The following AKAP13 variants were observed in gnomAD, a reference collection of about 807,000 sequenced individuals.
AKAP13 encodes A-kinase anchor protein 13.
Under a neutral mutation model 264.5 loss-of-function variants are expected in AKAP13, and 80 were observed. The ratio of observed to expected loss-of-function variants is 0.30; its 90% confidence interval spans 0.25 to 0.36. The LOEUF (loss-of-function observed/expected upper bound fraction) is 0.36. Ranked by LOEUF, AKAP13 falls within the 10% of genes least tolerant of loss-of-function variation. The probability of loss-of-function intolerance (pLI) is 1.00; values close to 1 mark genes in which losing one functional copy is unlikely to be tolerated. For synonymous variants in AKAP13, 1,380 were observed against 1,250.2 expected (o/e 1.10, Z -2.19); for missense variants, 3,712 against 3,435.2 (o/e 1.08, Z -2.01).
intron 23 of AKAP13, 80 bp downstream of exon 23, chr15:85,719,406 A>G (rs757912194): frequency 6.6e-6 from 10 of 1,526,228 alleles, no homozygotes; most frequent in African/African-American, 5.5e-5. Context: ...ATGCATTCAC[A>G]TCTTCTTTCT....
At chr15:85,529,409 A>G (rs1272462769) in intron 3 of AKAP13, among the ~76,000 whole-genome samples, 3 of 152,220 alleles carry the variant, frequency 2.0e-5, no homozygotes, top group Non-Finnish European at 2.9e-5. Flanking sequence ...AGACAGAGCG[A>G]GACTCCGTCT....
intron 2 of AKAP13, among the ~76,000 whole-genome samples, chr15:85,508,395 G>A (rs553990901): frequency 3.9e-5 from 6 of 152,040 alleles, no homozygotes; most frequent in African/African-American, 1.2e-4. Context: ...CACCTGCCTC[G>A]GCCTCCCAAA....
intron 8 of AKAP13, among the ~76,000 whole-genome samples, chr15:85,594,493 T>G (rs2079721392): frequency 6.6e-6 from 1 of 152,354 alleles, no homozygotes; most frequent in East Asian, 1.9e-4. Flanking sequence ...ATTTTTACAC[T>G]GTGGGAATGA....
chr15:85,415,092 C>A, intron 1 of AKAP13: 19 of 572,068 alleles, frequency 3.3e-5, no homozygotes, highest in Non-Finnish European at 3.1e-5. Context: ...TCTGAAAATT[C>A]ATAATTTTTC....
At chr15:85,723,651 C>G (rs2151732873) in intron 26 of AKAP13, among the ~76,000 whole-genome samples, 1 of 152,246 alleles carries the variant, frequency 6.6e-6, no homozygotes, top group South Asian at 2.1e-4. Flanking sequence ...AAGAGATGGA[C>G]AGCCAGGTTG....
chr15:85,597,588 C>T (rs1485445636), intron 8 of AKAP13, among the ~76,000 whole-genome samples: 2 of 152,130 alleles, frequency 1.3e-5, no homozygotes, highest in African/African-American at 4.8e-5. Context: ...GGTTGATGAG[C>T]TGTGTGCATC....
intron 3 of AKAP13, among the ~76,000 whole-genome samples, chr15:85,527,188 C>A (rs935721825): frequency 3.3e-5 from 5 of 152,152 alleles, no homozygotes; most frequent in Non-Finnish European, 4.4e-5. Flanking sequence ...TGGTCTTGAT[C>A]TCCTGACCTC....
intron 16 of AKAP13, among the ~76,000 whole-genome samples, chr15:85,687,358 A>G (rs911771708): frequency 1.3e-5 from 2 of 152,224 alleles, no homozygotes; most frequent in African/African-American, 4.8e-5. Context: ...GGAGTTTGCT[A>G]GGAGGAGATG....
At chr15:85,703,996 CTG>C (rs2086087622) in intron 17 of AKAP13, among the ~76,000 whole-genome samples, 1 of 152,016 alleles carries the variant, frequency 6.6e-6, no homozygotes, top group Admixed American at 6.5e-5. Flanking sequence ...TCATATTTAA[CTG>C]TTTTTTGTTT....
intron 33 of AKAP13, among the ~76,000 whole-genome samples, 166 bp from the exon 34 acceptor site, chr15:85,740,056 G>T (rs1422646318): frequency 6.6e-6 from 1 of 152,030 alleles, no homozygotes; most frequent in Non-Finnish European, 1.5e-5. Flanking sequence ...TTGGCTGCTG[G>T]TGCTCACTTA....
At chr15:85,425,577 G>T (rs1433779223) in intron 1 of AKAP13, among the ~76,000 whole-genome samples, 1 of 152,036 alleles carries the variant, frequency 6.6e-6, no homozygotes, top group East Asian at 1.9e-4. Context: ...ATCAGCCGAT[G>T]TGGTGGCACG....
intron 5 of AKAP13, among the ~76,000 whole-genome samples, chr15:85,545,501 T>A (rs1013127451): frequency 2.0e-5 from 3 of 152,216 alleles, no homozygotes; most frequent in African/African-American, 7.2e-5. Context: ...AAGTACTACT[T>A]CTGTTACATG....
intron 34 of AKAP13, 85 bp from the exon 35 acceptor site, chr15:85,740,960 GC>G: frequency 1.3e-6 from 2 of 1,513,720 alleles, no homozygotes; most frequent in Non-Finnish European, 1.8e-6. Context: ...AGTGCCTGGT[GC>G]CCCCTGCTGT....
intron 1 of AKAP13, among the ~76,000 whole-genome samples, chr15:85,437,622 A>G (rs1463562723): frequency 6.6e-6 from 1 of 152,202 alleles, no homozygotes; most frequent in African/African-American, 2.4e-5. Flanking sequence ...CTTATCCGCC[A>G]TGATCAAGTG....
rs1251050009 is a variant in AKAP13, at chr15:85,747,978, G to A, written c.*3301G>A. ...TGTTTCTTGATGTGGGAGGGGAGGT[G>A]TTAGTGCATGCAAGGGTTGAACTAG... is the stretch of plus-strand genomic sequence containing the variant. On this transcript the variant is annotated 3_prime_UTR_variant, in exon 37 of 37. Transcript: ENST00000394518. 1 of 152,588 alleles carries A rather than the reference G, an allele frequency of 6.6e-6. No homozygotes were observed. Among genetic ancestry groups the A allele is most frequent in the African/African-American group, 2.4e-5 (1 of 41,420 alleles). 9.5% of individuals were successfully genotyped at this position (152,588 alleles called of 1,614,324 possible).
intron 8 of AKAP13, among the ~76,000 whole-genome samples, chr15:85,608,582 C>T (rs374057576): frequency 1.3e-5 from 2 of 152,118 alleles, no homozygotes; most frequent in Admixed American, 6.6e-5. Flanking sequence ...CAAAGGAGAG[C>T]GTTTTAAGGA....
At chr15:85,733,996 A>G (rs1440773618) in intron 30 of AKAP13, among the ~76,000 whole-genome samples, 2 of 146,942 alleles carry the variant, frequency 1.4e-5, no homozygotes, top group East Asian at 4.0e-4. Flanking sequence ...ATGCACCACC[A>G]TGCCCGGCTA....
intron 8 of AKAP13, among the ~76,000 whole-genome samples, chr15:85,587,863 G>T (rs1451900530): frequency 3.3e-5 from 5 of 152,120 alleles, no homozygotes; most frequent in African/African-American, 4.8e-5. Flanking sequence ...GGCCAGGCTG[G>T]TCTCAAACTT....
chr15:85,572,901 T>C (rs1427381959), intron 5 of AKAP13, among the ~76,000 whole-genome samples: 1 of 152,218 alleles, frequency 6.6e-6, no homozygotes, highest in Non-Finnish European at 1.5e-5. Flanking sequence ...CTCCCACTTA[T>C]GAGTGAAAAC....
Sources: allele counts gnomAD v4.1 joint callset (sites outside exome capture counted in the v4.1 genomes callset), GRCh38; gene constraint gnomAD v4.1.1; transcripts MANE v1.5; gene names NCBI Gene and HGNC (gene_info 2026-07-23, HGNC 2026-07-21).